GABRG3: variants seen among roughly 807,000 people sequenced by gnomAD.
The protein encoded by GABRG3 is gamma-aminobutyric acid receptor subunit gamma-3.
A neutral mutation model predicts 48.8 loss-of-function variants in GABRG3; 25 were observed. That is an observed-to-expected ratio of 0.51 (90% confidence interval 0.37 to 0.72). The LOEUF is 0.72. Ranked by LOEUF, GABRG3 falls within the 30% of genes least tolerant of loss-of-function variation. The pLI is 0.00. For synonymous variants in GABRG3, 227 were observed against 217.6 expected (o/e 1.04, Z -0.38); for missense variants, 394 against 577.9 (o/e 0.68, Z 3.26).
At chr15:27,029,631 C>T (rs1433763982) in intron 3 of GABRG3, among the ~76,000 whole-genome samples, 2 of 152,172 alleles carry the variant, frequency 1.3e-5, no homozygotes, top group Non-Finnish European at 2.9e-5. Context: ...TTCCTTCACG[C>T]ACATTTGCCA....
At chr15:27,220,814 C>G (rs1360554403) in intron 3 of GABRG3, among the ~76,000 whole-genome samples, 5 of 152,060 alleles carry the variant, frequency 3.3e-5, no homozygotes, top group African/African-American at 1.2e-4. Context: ...AAGATTTTTC[C>G]TTTATTTCCA....
intron 6 of GABRG3, among the ~76,000 whole-genome samples, chr15:27,496,199 T>A (rs1595792384): frequency 6.6e-6 from 1 of 152,164 alleles, no homozygotes; most frequent in African/African-American, 2.4e-5. Flanking sequence ...AAGTCTTGGG[T>A]CCTCTCTTGA....
At chr15:27,408,252 A>G (rs947053393) in intron 5 of GABRG3, among the ~76,000 whole-genome samples, 1 of 152,198 alleles carries the variant, frequency 6.6e-6, no homozygotes, top group African/African-American at 2.4e-5. Flanking sequence ...GGTCTCAGAA[A>G]TTGTATTTTA....
intron 3 of GABRG3, among the ~76,000 whole-genome samples, chr15:27,102,089 G>A (rs1897371239): frequency 6.6e-6 from 1 of 152,136 alleles, no homozygotes; most frequent in Non-Finnish European, 1.5e-5. Flanking sequence ...CGCCATCGTG[G>A]ACTCCCCTGA....
At chr15:27,328,704 T>G (rs1194895786) in intron 4 of GABRG3, 102 bp from the exon 5 acceptor site, 2 of 840,348 alleles carry the variant, frequency 2.4e-6, no homozygotes, top group Non-Finnish European at 4.0e-6. Flanking sequence ...CTGCCCTGGG[T>G]GACGGAACGG....
chr15:27,388,008 A>AAAGGGAGGAGGGAGGG (rs1895999886), intron 5 of GABRG3, among the ~76,000 whole-genome samples: 2 of 111,202 alleles, frequency 1.8e-5, no homozygotes, highest in Non-Finnish European at 3.7e-5. Flanking sequence ...GGAAGGAAGG[A>AAAGGGAGGAGGGAGGG]AGGAAAGGGA....
intron 3 of GABRG3, among the ~76,000 whole-genome samples, chr15:27,239,034 A>G (rs529635268): frequency 2.2e-4 from 33 of 152,362 alleles, no homozygotes; most frequent in African/African-American, 7.5e-4. Context: ...AAGCATTACA[A>G]TGGGAATACG....
At chr15:27,501,240 CGT>C (rs1890630259) in intron 6 of GABRG3, among the ~76,000 whole-genome samples, 1 of 152,116 alleles carries the variant, frequency 6.6e-6, no homozygotes, top group Non-Finnish European at 1.5e-5. Flanking sequence ...CGTGAGCCAC[CGT>C]GCCCGGCCAA....
chr15:27,002,744 CA>C (rs71413297), intron 2 of GABRG3, among the ~76,000 whole-genome samples: 61 of 25,440 alleles, frequency 2.4e-3, no homozygotes, highest in South Asian at 6.2e-3. Context: ...CCGTGTCTCT[CA>C]AAAAAAAAAA....
chr15:27,077,763 G>A (rs973214988), intron 3 of GABRG3, among the ~76,000 whole-genome samples: 3 of 152,172 alleles, frequency 2.0e-5, no homozygotes, highest in Admixed American at 1.3e-4. Flanking sequence ...AGATTACTCT[G>A]GAAATGAAAG....
chr15:27,341,460 G>A (rs1894175404), intron 5 of GABRG3, among the ~76,000 whole-genome samples: 2 of 152,278 alleles, frequency 1.3e-5, no homozygotes, highest in Admixed American at 6.5e-5. Flanking sequence ...CGATGACTGC[G>A]CCTGGCCTGC....
At chr15:27,454,768 G>A (rs1405092547) in intron 5 of GABRG3, among the ~76,000 whole-genome samples, 2 of 152,132 alleles carry the variant, frequency 1.3e-5, no homozygotes, top group Admixed American at 1.3e-4. Flanking sequence ...TCCACATTTG[G>A]AAAAGCGCTC....
intron 6 of GABRG3, among the ~76,000 whole-genome samples, chr15:27,486,356 G>A (rs186967386): frequency 2.4e-3 from 367 of 152,220 alleles, no homozygotes; most frequent in African/African-American, 8.4e-3. Context: ...GGCTGCTCTC[G>A]CATGGCTATG....
In GABRG3 at chr15:27,532,795, G is replaced by A; in HGVS notation, c.1318G>A (p.Glu440Lys). 1 of 1,613,950 alleles carries A rather than the reference G, an allele frequency of 6.2e-7. No homozygotes were observed. Among genetic ancestry groups the A allele is most frequent in the Non-Finnish European group, 8.5e-7 (1 of 1,179,888 alleles). ...AGGGCGTATTCACATAGACATCTTG[G>A]AGCTGGACTCGTACTCCCGGGTCTT... ...RKGRIHIDIL[E>K]LDSYSRVFFP... is the part of the protein sequence containing the mutation. Residue 440 changes from glutamate to lysine, a missense_variant, in exon 10 of 10, where the codon GAG becomes AAG. Coordinates refer to ENST00000615808, the MANE Select transcript of GABRG3 (RefSeq NM_033223.5).
chr15:27,136,611 T>C (rs546211350), intron 3 of GABRG3, among the ~76,000 whole-genome samples: 26 of 152,322 alleles, frequency 1.7e-4, no homozygotes, highest in Middle Eastern at 3.4e-3. Flanking sequence ...AATGTGATCA[T>C]AGGGCAGCTG....
chr15:27,264,293 A>G (rs978456535), intron 3 of GABRG3, among the ~76,000 whole-genome samples: 1 of 152,112 alleles, frequency 6.6e-6, no homozygotes, highest in Admixed American at 6.5e-5. Context: ...CTAAAAATCC[A>G]CCTAACCAAA....
intron 5 of GABRG3, among the ~76,000 whole-genome samples, chr15:27,398,668 A>G (rs8023739): frequency 0.06 from 8,531 of 141,542 alleles, 458 homozygotes; most frequent in East Asian, 0.21. Flanking sequence ...AAGCGCGCGC[A>G]CACACACACA....
chr15:27,036,539 A>C (rs1896181828), intron 3 of GABRG3, among the ~76,000 whole-genome samples: 1 of 152,134 alleles, frequency 6.6e-6, no homozygotes, highest in African/African-American at 2.4e-5. Flanking sequence ...GAAATACAAA[A>C]ATTAGCTGGG....
At chr15:27,130,871 C>G (rs1461703858) in intron 3 of GABRG3, among the ~76,000 whole-genome samples, 1 of 151,982 alleles carries the variant, frequency 6.6e-6, no homozygotes, top group Admixed American at 6.6e-5. Context: ...GTATACTGTC[C>G]TGTAACTTTA....
Sources: allele counts gnomAD v4.1 joint callset (sites outside exome capture counted in the v4.1 genomes callset), GRCh38; gene constraint gnomAD v4.1.1; transcripts MANE v1.5; gene names NCBI Gene and HGNC (gene_info 2026-07-23, HGNC 2026-07-21).